ATL1: variants seen among roughly 807,000 people sequenced by gnomAD.
ATL1 encodes the protein atlastin-1.
In ATL1, 31 loss-of-function variants were observed where a neutral mutation model predicts 75.5. The ratio of observed to expected loss-of-function variants is 0.41; its 90% CI spans 0.31 to 0.55. The LOEUF is 0.55. ATL1 is among the 20% of genes least tolerant of loss of function. ATL1 has a pLI of 0.27. For synonymous variants in ATL1, 226 were observed against 233.3 expected, an observed-to-expected ratio of 0.97 and a Z score of 0.28; for missense variants, 405 against 662.6, an observed-to-expected ratio of 0.61 and a Z score of 4.27.
At chr14:50,585,828 C>A (rs936629534) in intron 1 of ATL1, among the ~76,000 whole-genome samples, 26 of 152,260 alleles carry the variant, frequency 1.7e-4, no homozygotes, top group African/African-American at 6.0e-4. Context: ...AAGCTATTAT[C>A]TTTCAGATAA....
Position 50,588,066 on chromosome 14 carries a change from C to A in ATL1, c.270C>A (p.Tyr90Ter). The A allele has an allele frequency of 6.2e-7, 1 of 1,614,176 alleles. No homozygotes were observed. The highest frequency in any genetic ancestry group is 8.5e-7 in the Non-Finnish European group (1 of 1,180,010). The change falls in exon 2 of 14, where the codon TAC (tyrosine) becomes TAA (stop). Residue 90 changes from tyrosine to a stop codon, truncating the protein, a stop_gained. Coordinates refer to ENST00000358385, the MANE Select transcript of ATL1 (RefSeq NM_015915.5). LOFTEE classifies it high-confidence loss of function. ...KSFLMDFMLR[Y>*]MYNQESVDWV... ...TCCTGATGGACTTCATGTTGAGATA[C>A]ATGTACAACCAGGTATGCAGGAAGT...
chr14:50,608,701 C>T (rs960247867), intron 6 of ATL1, among the ~76,000 whole-genome samples: 2 of 151,926 alleles, frequency 1.3e-5, no homozygotes, highest in East Asian at 1.9e-4. Context: ...CTAAAGCTCC[C>T]AAGAAAAATG....
chr14:50,612,987 G>A (rs2039380459), intron 6 of ATL1, among the ~76,000 whole-genome samples: 1 of 152,076 alleles, frequency 6.6e-6, no homozygotes, highest in Non-Finnish European at 1.5e-5. Flanking sequence ...CATTCAGGCA[G>A]TTTGGGAGTC....
intron 6 of ATL1, among the ~76,000 whole-genome samples, chr14:50,605,492 A>C (rs1494178): frequency 0.79 from 120,542 of 151,764 alleles, 48,596 homozygotes; most frequent in African/African-American, 0.94. Context: ...TTTTTTCTTC[A>C]ATATTCATAT....
At chr14:50,582,317 CAAAG>C (rs2039063463) in intron 1 of ATL1, among the ~76,000 whole-genome samples, 1 of 151,512 alleles carries the variant, frequency 6.6e-6, no homozygotes, top group South Asian at 2.1e-4. Flanking sequence ...AATCATCTCA[CAAAG>C]AAAACACCAG....
chr14:50,631,950 C>T, intron 13 of ATL1: 2 of 246,658 alleles, frequency 8.1e-6, no homozygotes, highest in East Asian at 9.3e-5. Flanking sequence ...ACCCCTGGGG[C>T]AAAGTAGAAG....
chr14:50,563,199 C>T (rs555356680), intron 1 of ATL1, among the ~76,000 whole-genome samples: 10 of 152,240 alleles, frequency 6.6e-5, no homozygotes, highest in Middle Eastern at 3.4e-3. Flanking sequence ...GGGCATATCA[C>T]TATTTTGCAG....
intron 11 of ATL1, among the ~76,000 whole-genome samples, chr14:50,623,635 A>C (rs567176645): frequency 6.6e-6 from 1 of 152,238 alleles, no homozygotes; most frequent in South Asian, 2.1e-4. Flanking sequence ...AAAAAACAAA[A>C]ACCCTAAGGG....
chr14:50,591,174 C>A, intron 3 of ATL1, 99 bp downstream of exon 3: 1 of 1,246,442 alleles, frequency 8.0e-7, no homozygotes, highest in Non-Finnish European at 1.1e-6. Context: ...TAATTTTGAC[C>A]ATTTGACATG....
At chr14:50,572,535 C>T (rs2038963862) in intron 1 of ATL1, among the ~76,000 whole-genome samples, 3 of 151,828 alleles carry the variant, frequency 2.0e-5, no homozygotes, top group Non-Finnish European at 4.4e-5. Flanking sequence ...TTATGTGTAC[C>T]TTCCTTAGTA....
chr14:50,574,591 A>T (rs1325528347), intron 1 of ATL1, among the ~76,000 whole-genome samples: 1 of 152,164 alleles, frequency 6.6e-6, no homozygotes. Context: ...GACTTTTTTC[A>T]GTGACTACAA....
chr14:50,546,524 G>C (rs1603013), intron 1 of ATL1, among the ~76,000 whole-genome samples: 2 of 152,230 alleles, frequency 1.3e-5, no homozygotes, highest in Non-Finnish European at 2.9e-5. Flanking sequence ...TTTTAAGTTT[G>C]TGTAAATTTA....
chr14:50,609,487 G>A (rs1595612089), intron 6 of ATL1, among the ~76,000 whole-genome samples: 1 of 151,964 alleles, frequency 6.6e-6, no homozygotes, highest in South Asian at 2.1e-4. Flanking sequence ...TTGAAAAAAT[G>A]AGTAATTATG....
intron 11 of ATL1, among the ~76,000 whole-genome samples, chr14:50,625,698 G>A (rs1162997895): frequency 6.6e-6 from 1 of 152,042 alleles, no homozygotes; most frequent in African/African-American, 2.4e-5. Context: ...GGCCGAGGTG[G>A]GTGGATCACG....
intron 1 of ATL1, among the ~76,000 whole-genome samples, chr14:50,566,728 T>C (rs1321811277): frequency 6.6e-6 from 1 of 152,172 alleles, no homozygotes. Flanking sequence ...CTTTGCTGAT[T>C]GTCTTATAGA....
At chr14:50,601,925 A>G (rs2140216096) in intron 6 of ATL1, among the ~76,000 whole-genome samples, 2 of 152,302 alleles carry the variant, frequency 1.3e-5, no homozygotes, top group Admixed American at 1.3e-4. Flanking sequence ...CTAAGAACCT[A>G]GTGAAAATGT....
chr14:50,631,624 G>GT, intron 13 of ATL1, among the ~76,000 whole-genome samples: 1 of 152,008 alleles, frequency 6.6e-6, no homozygotes, highest in Non-Finnish European at 1.5e-5. Context: ...ACAATAAGAG[G>GT]TAGTTTTAAA....
chr14:50,549,908 C>T (rs527985507), intron 1 of ATL1, among the ~76,000 whole-genome samples: 27 of 152,302 alleles, frequency 1.8e-4, no homozygotes, highest in African/African-American at 6.0e-4. Flanking sequence ...TATGAATGGG[C>T]CTGTAAAATA....
At chr14:50,608,343 C>T (rs1208924720) in intron 6 of ATL1, among the ~76,000 whole-genome samples, 1 of 151,946 alleles carries the variant, frequency 6.6e-6, no homozygotes, top group Admixed American at 6.6e-5. Context: ...AATTGCTCAT[C>T]CCCATTCATG....
Sources: allele counts gnomAD v4.1 joint callset (sites outside exome capture counted in the v4.1 genomes callset), GRCh38; gene constraint gnomAD v4.1.1; transcripts MANE v1.5; gene names NCBI Gene and HGNC (gene_info 2026-07-23, HGNC 2026-07-21).